The following SOX6 variants were observed in gnomAD, a reference collection of about 807,000 sequenced individuals.
The protein encoded by SOX6 is transcription factor SOX-6.
A neutral mutation model predicts 97.8 loss-of-function variants in SOX6; 11 were observed. The observed-to-expected ratio is 0.11, with a 90% CI of 0.07 to 0.19. The LOEUF (loss-of-function observed/expected upper bound fraction) is 0.19, where lower values mean the gene tolerates loss of function less well. Ranked by LOEUF, SOX6 falls within the 10% of genes least tolerant of loss-of-function variation. The probability of loss-of-function intolerance (pLI) is 1.00; values close to 1 mark genes in which losing one functional copy is unlikely to be tolerated. For missense variants in SOX6, 810 were observed against 1,039.5 expected, an observed-to-expected ratio of 0.78 and a Z score of 3.04; for synonymous variants, 360 against 371.4, an observed-to-expected ratio of 0.97 and a Z score of 0.35.
intron 13 of SOX6, among the ~76,000 whole-genome samples, chr11:16,002,619 T>C (rs1479685387): frequency 6.6e-6 from 1 of 152,140 alleles, no homozygotes; most frequent in Non-Finnish European, 1.5e-5. Flanking sequence ...TAAAAAGGCA[T>C]CATTTAAGTT....
At chr11:16,001,831 G>A (rs906074536) in intron 13 of SOX6, among the ~76,000 whole-genome samples, 5 of 152,142 alleles carry the variant, frequency 3.3e-5, no homozygotes, top group South Asian at 2.1e-4. Flanking sequence ...TGTTATTGTG[G>A]ATAAGACTTC....
intron 12 of SOX6, among the ~76,000 whole-genome samples, chr11:16,036,238 C>T (rs926758251): frequency 4.6e-5 from 7 of 152,082 alleles, no homozygotes; most frequent in African/African-American, 1.7e-4. Context: ...CGCCACTAGG[C>T]CCAGCTCATT....
intron 3 of SOX6, among the ~76,000 whole-genome samples, chr11:16,636,428 A>T (rs1257096261): frequency 6.6e-6 from 1 of 152,218 alleles, no homozygotes; most frequent in African/African-American, 2.4e-5. Flanking sequence ...CCCTCATTGC[A>T]TCTAGGAAGT....
chr11:16,154,556 A>T (rs1850547486), intron 6 of SOX6, among the ~76,000 whole-genome samples: 1 of 151,980 alleles, frequency 6.6e-6, no homozygotes, highest in Non-Finnish European at 1.5e-5. Context: ...CCTCAGCCAG[A>T]TCTTTTCTAA....
chr11:16,254,877 T>C (rs1853637484), intron 3 of SOX6, among the ~76,000 whole-genome samples: 1 of 151,868 alleles, frequency 6.6e-6, no homozygotes, highest in Non-Finnish European at 1.5e-5. Context: ...ATATTATCTA[T>C]AGGAAACCAC....
chr11:16,325,204 G>T (rs1401691609), intron 2 of SOX6, among the ~76,000 whole-genome samples: 3 of 151,708 alleles, frequency 2.0e-5, no homozygotes, highest in Non-Finnish European at 4.4e-5. Context: ...AAATATCAAA[G>T]AAGTCATAGA....
chr11:16,648,201 A>C (rs1849042076), intron 3 of SOX6, among the ~76,000 whole-genome samples: 1 of 152,114 alleles, frequency 6.6e-6, no homozygotes, highest in South Asian at 2.1e-4. Context: ...TAGCCTTTCC[A>C]ACTATGTGGG....
chr11:16,091,536 TC>T (rs1848687353), intron 9 of SOX6, among the ~76,000 whole-genome samples: 1 of 152,050 alleles, frequency 6.6e-6, no homozygotes. Flanking sequence ...TACAGCATTC[TC>T]AATGCTGATG....
At chr11:16,664,433 G>T (rs1439774867) in intron 3 of SOX6, among the ~76,000 whole-genome samples, 2 of 152,170 alleles carry the variant, frequency 1.3e-5, no homozygotes, top group Non-Finnish European at 2.9e-5. Context: ...ACTCAGTGCT[G>T]CCCTGTCACA....
At chr11:16,068,666 C>T (rs1848150237) in intron 9 of SOX6, among the ~76,000 whole-genome samples, 1 of 152,130 alleles carries the variant, frequency 6.6e-6, no homozygotes, top group South Asian at 2.1e-4. Flanking sequence ...CTCCTTGCCC[C>T]TCCTGCATAT....
intron 1 of SOX6, among the ~76,000 whole-genome samples, chr11:16,410,759 CAAAAAAAAA>C (rs71044100): frequency 1.6e-5 from 1 of 64,390 alleles, no homozygotes; most frequent in African/African-American, 5.9e-5. Context: ...AACCGGTCTC[CAAAAAAAAA>C]AAAAAAAAAA....
intron 1 of SOX6, among the ~76,000 whole-genome samples, chr11:16,411,735 C>T (rs1416733883): frequency 1.3e-5 from 2 of 152,020 alleles, no homozygotes; most frequent in Non-Finnish European, 2.9e-5. Flanking sequence ...CAAAGTCAAG[C>T]AGAATTTGCA....
chr11:16,101,015 TCCC>T (rs1848932027), intron 7 of SOX6, among the ~76,000 whole-genome samples: 1 of 151,648 alleles, frequency 6.6e-6, no homozygotes, highest in Non-Finnish European at 1.5e-5. Context: ...ATGTTACACA[TCCC>T]TAACTAACTC....
intron 3 of SOX6, among the ~76,000 whole-genome samples, chr11:16,634,092 G>A (rs1314331849): frequency 6.6e-6 from 1 of 152,026 alleles, no homozygotes; most frequent in Non-Finnish European, 1.5e-5. Context: ...GAACTTTAAA[G>A]CTGCTATTAT....
At chr11:16,697,010 C>T (rs1045536134) in intron 3 of SOX6, among the ~76,000 whole-genome samples, 2 of 149,880 alleles carry the variant, frequency 1.3e-5, no homozygotes, top group African/African-American at 5.0e-5. Context: ...GTGTTCACAG[C>T]ATCTTCATCA....
chr11:16,677,334 C>A, intron 3 of SOX6, among the ~76,000 whole-genome samples: 1 of 152,042 alleles, frequency 6.6e-6, no homozygotes, highest in Non-Finnish European at 1.5e-5. Context: ...TAAAGTGTTA[C>A]AAAGTTATTT....
At chr11:16,568,827 T>C (rs187328250) in intron 4 of SOX6, among the ~76,000 whole-genome samples, 39 of 152,198 alleles carry the variant, frequency 2.6e-4, no homozygotes, top group African/African-American at 8.7e-4. Context: ...TTTTACACTG[T>C]CCACCCTTAC....
chr11:15,973,374 G>A (rs940027025), intron 15 of SOX6, among the ~76,000 whole-genome samples: 2 of 152,140 alleles, frequency 1.3e-5, no homozygotes, highest in Admixed American at 1.3e-4. Context: ...TTTTAACTTG[G>A]TAAATATGGC....
At chr11:16,604,508 G>A (rs1474038309) in intron 4 of SOX6, among the ~76,000 whole-genome samples, 1 of 152,196 alleles carries the variant, frequency 6.6e-6, no homozygotes, top group Non-Finnish European at 1.5e-5. Context: ...GCCAAAGCCC[G>A]GCCGCAGGAG....
Sources: allele counts gnomAD v4.1 joint callset (sites outside exome capture counted in the v4.1 genomes callset), GRCh38; gene constraint gnomAD v4.1.1; transcripts MANE v1.5; gene names NCBI Gene and HGNC (gene_info 2026-07-23, HGNC 2026-07-21).